Variants in HMCN1 observed in about 807,000 individuals in gnomAD.
HMCN1 encodes the protein hemicentin 1, also known as hemicentin-1.
In HMCN1, 321 loss-of-function variants were observed where a neutral mutation model predicts 625.9. The observed-to-expected ratio is 0.51, with a 90% CI of 0.47 to 0.56. HMCN1 has a LOEUF of 0.56. HMCN1 is among the 20% of genes least tolerant of loss of function. The pLI is 0.00. For missense variants in HMCN1, 6,588 were observed against 6,887.3 expected, an observed-to-expected ratio of 0.96 and a Z score of 1.54; for synonymous variants, 2,425 against 2,417.6, an observed-to-expected ratio of 1.00 and a Z score of -0.09.
chr1:185,908,120 G>T (rs1012109719), intron 4 of HMCN1, among the ~76,000 whole-genome samples: 1 of 151,610 alleles, frequency 6.6e-6, no homozygotes, highest in African/African-American at 2.4e-5. Flanking sequence ...CTTAGTACCT[G>T]GAAAACCATC....
At chr1:185,797,882 T>C (rs4007589) in intron 1 of HMCN1, among the ~76,000 whole-genome samples, 61 of 119,396 alleles carry the variant, frequency 5.1e-4, no homozygotes, top group Admixed American at 8.4e-4. Context: ...AGGAGAATGG[T>C]GTGAACCCGG....
intron 87 of HMCN1, 39 bp from the exon 88 acceptor site, chr1:186,137,459 T>G (rs1190273806): frequency 6.2e-7 from 1 of 1,601,674 alleles, no homozygotes; most frequent in East Asian, 2.2e-5. Flanking sequence ...AATGTTTTAT[T>G]TGCAAAAGCT....
At chr1:185,797,683 T>TAGATTTCTTTTGTGTA (rs1553241679) in intron 1 of HMCN1, among the ~76,000 whole-genome samples, 11 of 147,822 alleles carry the variant, frequency 7.4e-5, no homozygotes, top group African/African-American at 3.0e-4. Context: ...AAGACTTGTT[T>TAGATTTCTTTTGTGTA]TGGCCGGGCG....
chr1:185,754,479 C>T (rs573560918), intron 1 of HMCN1, among the ~76,000 whole-genome samples: 1 of 151,724 alleles, frequency 6.6e-6, no homozygotes, highest in South Asian at 2.1e-4. Flanking sequence ...ATTGTTGAGA[C>T]TTCTTTGGCC....
intron 97 of HMCN1, among the ~76,000 whole-genome samples, chr1:186,161,030 T>C (rs1651430967): frequency 6.6e-6 from 1 of 152,212 alleles, no homozygotes; most frequent in Non-Finnish European, 1.5e-5. Flanking sequence ...TGTTAAAGTC[T>C]CCCATTATTA....
intron 16 of HMCN1, 51 bp downstream of exon 16, chr1:185,978,032 A>G (rs1181298008): frequency 7.4e-7 from 1 of 1,347,614 alleles, no homozygotes; most frequent in East Asian, 2.4e-5. Flanking sequence ...TATGTTATAT[A>G]TTTATGTTTT....
intron 36 of HMCN1, among the ~76,000 whole-genome samples, chr1:186,028,723 A>ATTTTTT (rs1221126852): frequency 1.5e-4 from 15 of 98,480 alleles, no homozygotes; most frequent in African/African-American, 8.7e-4. Context: ...TTTCTAAAGC[A>ATTTTTT]TATTTTTTTT....
At chr1:185,977,708 C>A in intron 15 of HMCN1, 79 bp from the exon 16 acceptor site, 1 of 892,498 alleles carries the variant, frequency 1.1e-6, no homozygotes, top group Non-Finnish European at 1.9e-6. Flanking sequence ...AATGATTTGA[C>A]AGTTTAATAT....
intron 4 of HMCN1, among the ~76,000 whole-genome samples, chr1:185,869,068 T>C (rs1230120496): frequency 2.0e-5 from 3 of 152,194 alleles, no homozygotes; most frequent in Non-Finnish European, 4.4e-5. Context: ...CAGGAAAGGA[T>C]GTTTCACTTA....
chr1:186,064,470 T>C (rs867636378), intron 48 of HMCN1, among the ~76,000 whole-genome samples: 1 of 152,110 alleles, frequency 6.6e-6, no homozygotes, highest in Non-Finnish European at 1.5e-5. Context: ...ATTAAAGGTT[T>C]TGCTTTTTTA....
rs1402977271 is a variant in HMCN1 at position 186,136,807 on chromosome 1, C to G, written c.13452C>G (p.Asp4484Glu). 1 of 1,613,992 alleles carries G rather than the reference C, an allele frequency of 6.2e-7. No individual in the cohort carries two copies. The highest frequency in any genetic ancestry group is 1.1e-5 in the South Asian group (1 of 91,062). ...AAGGGCACTCTATTTCCTGGGATGA[C>G]CGGGTTAACGTGTTGTCCAACAACT... ...SRQGHSISWD[D>E]RVNVLSNNSL... Residue 4484 changes from aspartate to glutamate, a missense_variant, in exon 87 of 107, where the codon GAC becomes GAG. Physicochemically the swap from Asp to Glu is conservative, Grantham distance 45 (BLOSUM62 2). Around this residue, in one of 3 missense-constraint regions of HMCN1, gnomAD observed 1,954 missense variants for 2,013.1 expected, o/e 0.97. Transcript: ENST00000271588.
At chr1:186,164,534 T>C (rs1651752428) in intron 97 of HMCN1, among the ~76,000 whole-genome samples, 1 of 152,140 alleles carries the variant, frequency 6.6e-6, no homozygotes, top group South Asian at 2.1e-4. Flanking sequence ...TGAGCCACCA[T>C]GCCCGGCTAA....
chr1:186,142,871 T>C (rs1006672007), intron 89 of HMCN1, among the ~76,000 whole-genome samples: 1 of 152,214 alleles, frequency 6.6e-6, no homozygotes, highest in African/African-American at 2.4e-5. Context: ...CATTATATTG[T>C]AAGAGGCTGA....
intron 34 of HMCN1, among the ~76,000 whole-genome samples, chr1:186,018,556 A>T (rs1571724462): frequency 6.6e-6 from 1 of 152,046 alleles, no homozygotes; most frequent in Admixed American, 6.6e-5. Flanking sequence ...ATGTAAATAC[A>T]TGTAGACAGT....
chr1:185,941,563 A>G (rs1668082794), intron 11 of HMCN1, among the ~76,000 whole-genome samples: 2 of 152,340 alleles, frequency 1.3e-5, no homozygotes, highest in South Asian at 4.1e-4. Context: ...GAATAAATGC[A>G]AAATTTCAAT....
rs746772788 is a variant in HMCN1, at chr1:186,145,412, A to G, written c.14276A>G (p.Asn4759Ser). 1 of 1,578,982 alleles carries G rather than the reference A, an allele frequency of 6.3e-7. No individual in the cohort carries two copies. The highest frequency in any genetic ancestry group is 8.6e-7 in the Non-Finnish European group (1 of 1,163,144). Residue 4759 changes from asparagine (N) to serine (S), a missense_variant, in exon 92 of 107, where the codon AAC (asparagine) becomes AGC (serine). By Grantham distance (46) the Asn-to-Ser change is conservative. Transcript: ENST00000271588. ...CNSDPCPTHG[N>S]WSPWSGWGTC... Reference sequence around the variant, plus strand: ...TTATTCTGTCTTGTAGCCCATGGTAACTGGAGTCCTTGGAGTGGCTGGGGA... The same window carrying G: ...TTATTCTGTCTTGTAGCCCATGGTAGCTGGAGTCCTTGGAGTGGCTGGGGA...
chr1:186,151,523 A>C, intron 94 of HMCN1, 83 bp from the exon 95 acceptor site: 1 of 1,414,944 alleles, frequency 7.1e-7, no homozygotes, highest in Non-Finnish European at 9.9e-7. Context: ...TTTAGAATTC[A>C]TCCTTGTGAA....
intron 1 of HMCN1, among the ~76,000 whole-genome samples, chr1:185,763,579 A>G (rs1398683552): frequency 6.6e-6 from 1 of 152,204 alleles, no homozygotes; most frequent in Non-Finnish European, 1.5e-5. Flanking sequence ...GGTTAAAAAT[A>G]AAGAGCTACT....
chr1:186,018,429 G>T (rs1654504665), intron 34 of HMCN1, 77 bp downstream of exon 34: 2 of 1,323,250 alleles, frequency 1.5e-6, no homozygotes, highest in Non-Finnish European at 2.2e-6. Flanking sequence ...TCAGATTGTA[G>T]CTCAATAATG....
Sources: gnomAD v4.1 joint callset for allele counts (sites outside exome capture counted in the v4.1 genomes callset) on GRCh38, gnomAD v4.1.1 for gene constraint, gnomAD v4.1.1 regional missense constraint, MANE v1.5 for transcripts, NCBI Gene and HGNC (gene_info 2026-07-23, HGNC 2026-07-21) for gene names.